ANKRD62: variants seen among roughly 807,000 people sequenced by gnomAD.
The protein encoded by ANKRD62 is ankyrin repeat domain 62, also known as ankyrin repeat domain-containing protein 62.
ANKRD62 carries 61 observed loss-of-function variants against 98.8 expected under a neutral mutation model. The observed-to-expected ratio is 0.62, with a 90% CI of 0.50 to 0.76. The LOEUF is 0.76. Among genes scored for constraint, ANKRD62 ranks in the 30% least tolerant of loss-of-function variants. ANKRD62 has a pLI of 0.00. For missense variants in ANKRD62, 933 were observed against 1,082.9 expected, an observed-to-expected ratio of 0.86 and a Z score of 1.94; for synonymous variants, 341 against 367.9, an observed-to-expected ratio of 0.93 and a Z score of 0.84.
At chr18:12,139,520 C>T in the ANKRD62 span, among the ~76,000 whole-genome samples, 1 of 152,018 alleles carries the variant, frequency 6.6e-6, no homozygotes, top group Non-Finnish European at 1.5e-5. Context: ...GTGGCAGGCA[C>T]CTGTAGTCCC....
the ANKRD62 span, among the ~76,000 whole-genome samples, chr18:12,152,436 C>A: frequency 6.6e-6 from 1 of 152,124 alleles, no homozygotes; most frequent in Non-Finnish European, 1.5e-5. Context: ...TTAACCTATG[C>A]AAATCAATAA....
In ANKRD62 at chr18:12,115,104, T is replaced by G. The variant is rs996065872; in HGVS notation, c.1081T>G (p.Ser361Ala). The G allele has an allele frequency of 7.1e-7, 1 of 1,399,742 alleles. No homozygotes were observed. The highest frequency in any genetic ancestry group is 1.5e-5 in the African/African-American group (1 of 68,194). The allele number at this position is 1,399,742 out of a possible 1,614,324, so 86.7% of individuals were successfully genotyped here. Residue 361 changes from serine to alanine, a missense_variant, in exon 9 of 14, where the codon TCT becomes GCT. Ser to Ala is a moderately conservative substitution (Grantham distance 99, BLOSUM62 1). Coordinates refer to ENST00000587848, the MANE Select transcript of ANKRD62 (RefSeq NM_001277333.2). The part of the protein sequence containing the change: ...GEFDRLARKT[S>A]NEKSKVKSQI... Reference sequence around the variant, plus strand: ...TTTTTTTAGGCTTGCAAGGAAAACCTCTAATGAAAAGAGCAAGGTATTATA... The same window carrying G: ...TTTTTTTAGGCTTGCAAGGAAAACCGCTAATGAAAAGAGCAAGGTATTATA...
At chr18:12,171,866 C>T in the ANKRD62 span, among the ~76,000 whole-genome samples, 23 of 152,090 alleles carry the variant, frequency 1.5e-4, no homozygotes, top group Non-Finnish European at 2.8e-4. Flanking sequence ...CTAAACTTCT[C>T]GCTTCATTTC....
At chr18:12,109,000 T>C (rs1909476726) in intron 8 of ANKRD62, among the ~76,000 whole-genome samples, 1 of 152,242 alleles carries the variant, frequency 6.6e-6, no homozygotes, top group Admixed American at 6.5e-5. Flanking sequence ...GCTTTCACAG[T>C]CTGATGTTGA....
intron 7 of ANKRD62, among the ~76,000 whole-genome samples, chr18:12,106,778 A>G (rs4796946): frequency 0.59 from 90,315 of 151,934 alleles, 27,402 homozygotes; most frequent in Middle Eastern, 0.76. Flanking sequence ...TCACATTTTC[A>G]GTATCCTAGG....
At chr18:12,131,004 C>CA (rs1367696886), downstream of ANKRD62, among the ~76,000 whole-genome samples, 3 of 152,116 alleles carry the variant, frequency 2.0e-5, no homozygotes, top group Admixed American at 2.0e-4. Flanking sequence ...CAATGTTTTA[C>CA]AAAAATGTTT....
At chr18:12,102,178 G>C in intron 6 of ANKRD62, 9 of 922,112 alleles carry the variant, frequency 9.8e-6, no homozygotes, top group Non-Finnish European at 1.5e-5. Context: ...AAGAGTGAGG[G>C]TTGCAGCAAG....
chr18:12,096,160 T>C, intron 3 of ANKRD62, 36 bp from the exon 4 acceptor site: 1 of 1,350,280 alleles, frequency 7.4e-7, no homozygotes, highest in Non-Finnish European at 1.0e-6. Flanking sequence ...AAGTATGTAA[T>C]TTTGTGAATT....
chr18:12,095,230 C>T lies in ANKRD62; in HGVS notation c.278C>T (p.Ala93Val). The change falls in exon 2 of 14, where the codon GCC becomes GTC. Residue 93 changes from alanine (A) to valine (V), a missense_variant. This residue lies in a region of ANKRD62 where 549 missense variants were observed against 587.9 expected (regional missense o/e 0.93). Transcript: ENST00000587848. Reference sequence around the variant, plus strand: ...CCAGGAGTGGTAGCTGACCTGGTGGCCAGAAAATGCCAGCTTAACCTCACT... The same window carrying T: ...CCAGGAGTGGTAGCTGACCTGGTGGTCAGAAAATGCCAGCTTAACCTCACT... The part of the protein sequence containing the change: ...GRPGVVADLV[A>V]RKCQLNLTDS... 2.0e-6 allele frequency: 3 copies of T among 1,538,078 alleles called. No homozygotes were observed. The highest frequency in any genetic ancestry group is 1.7e-6 in the Non-Finnish European group (2 of 1,146,822).
chr18:12,106,804 G>A (rs1909422385), intron 7 of ANKRD62, among the ~76,000 whole-genome samples: 1 of 152,106 alleles, frequency 6.6e-6, no homozygotes, highest in African/African-American at 2.4e-5. Flanking sequence ...AAGGGAGAAA[G>A]TAAAATAAAA....
intron 6 of ANKRD62, 93 bp from the exon 7 acceptor site, chr18:12,103,065 A>G (rs761523498): frequency 1.2e-5 from 11 of 937,130 alleles, no homozygotes; most frequent in Non-Finnish European, 1.4e-5. Flanking sequence ...TATAGAAGAA[A>G]AATATGTTAT....
At chr18:12,095,677 T>G in intron 3 of ANKRD62, 67 bp downstream of exon 3, 1 of 1,354,902 alleles carries the variant, frequency 7.4e-7, no homozygotes, top group South Asian at 1.8e-5. Flanking sequence ...ACATATGATT[T>G]TTTTTAGTAA....
At chr18:12,174,012 C>A in the ANKRD62 span, among the ~76,000 whole-genome samples, 98 of 152,204 alleles carry the variant, frequency 6.4e-4, no homozygotes, top group African/African-American at 2.3e-3. Context: ...GCATTCTGTA[C>A]ATTTCCTATA....
chr18:12,158,690 ATTTTTT>A, the ANKRD62 span, among the ~76,000 whole-genome samples: 13 of 132,430 alleles, frequency 9.8e-5, no homozygotes, highest in South Asian at 2.6e-4. Context: ...TGCCTGGCTA[ATTTTTT>A]TTTTTTTTTT....
downstream of ANKRD62, among the ~76,000 whole-genome samples, chr18:12,130,586 T>G (rs1909987958): frequency 6.6e-6 from 1 of 152,202 alleles, no homozygotes; most frequent in Admixed American, 6.5e-5. Context: ...ACCTTAGGGA[T>G]GGTACCCAAG....
chr18:12,156,372 A>G, the ANKRD62 span, among the ~76,000 whole-genome samples: 1 of 152,162 alleles, frequency 6.6e-6, no homozygotes, highest in South Asian at 2.1e-4. Context: ...TCTCCCTGTC[A>G]AAAGGAGTAT....
At chr18:12,156,043 T>TTCTC in the ANKRD62 span, among the ~76,000 whole-genome samples, 5 of 151,252 alleles carry the variant, frequency 3.3e-5, no homozygotes, top group African/African-American at 7.3e-5. Flanking sequence ...TGATACTACC[T>TTCTC]TCTCTCTCTC....
At chr18:12,125,228 C>T (rs1909862316) in intron 12 of ANKRD62, among the ~76,000 whole-genome samples, 1 of 150,272 alleles carries the variant, frequency 6.7e-6, no homozygotes. Context: ...CTAGTGGTTT[C>T]TTTTTTTTTG....
the ANKRD62 span, among the ~76,000 whole-genome samples, chr18:12,139,383 G>A: frequency 1.3e-5 from 2 of 152,128 alleles, no homozygotes; most frequent in African/African-American, 4.8e-5. Context: ...GGTGGCTCAT[G>A]CCTGTAATCA....
Sources: gnomAD v4.1 joint callset for allele counts (sites outside exome capture counted in the v4.1 genomes callset) on GRCh38, gnomAD v4.1.1 for gene constraint, gnomAD v4.1.1 regional missense constraint, MANE v1.5 for transcripts, NCBI Gene and HGNC (gene_info 2026-07-23, HGNC 2026-07-21) for gene names.